Variants in GCNT1 observed in about 807,000 individuals in gnomAD.
The protein encoded by GCNT1 is beta-1,3-galactosyl-O-glycosyl-glycoprotein beta-1,6-N-acetylglucosaminyltransferase.
Under a neutral mutation model 26.2 loss-of-function variants are expected in GCNT1, and 16 were observed. The ratio of observed to expected loss-of-function variants is 0.61; its 90% CI spans 0.41 to 0.93. The LOEUF is 0.93. Among genes scored for constraint, GCNT1 ranks in the 40% least tolerant of loss-of-function variants. GCNT1 has a pLI of 0.00. For missense variants in GCNT1, 477 were observed against 526.7 expected, an observed-to-expected ratio of 0.91 and a Z score of 0.92; for synonymous variants, 183 against 190.8, an observed-to-expected ratio of 0.96 and a Z score of 0.34.
At chr9:76,473,956 A>G (rs1824198312) in intron 2 of GCNT1, among the ~76,000 whole-genome samples, 1 of 152,118 alleles carries the variant, frequency 6.6e-6, no homozygotes, top group African/African-American at 2.4e-5. Context: ...AAAATTAGCC[A>G]GGCATGGTGG....
intron 2 of GCNT1, among the ~76,000 whole-genome samples, chr9:76,464,305 C>T (rs534060022): frequency 6.6e-6 from 1 of 152,226 alleles, no homozygotes; most frequent in South Asian, 2.1e-4. Context: ...CAACCTCCAC[C>T]TCCCAGGCTC....
At chr9:76,433,158 G>A (rs192928069) in intron 1 of GCNT1, among the ~76,000 whole-genome samples, 68 of 152,192 alleles carry the variant, frequency 4.5e-4, no homozygotes, top group African/African-American at 1.5e-3. Context: ...TCTTGGATGC[G>A]GACCAAGAAC....
At chr9:76,406,590 A>G in the GCNT1 span, among the ~76,000 whole-genome samples, 1 of 151,840 alleles carries the variant, frequency 6.6e-6, no homozygotes, top group African/African-American at 2.4e-5. Context: ...AGTCCCAGCT[A>G]CTCAGGAGGC....
At chr9:76,483,026 T>A (rs949147191) in intron 2 of GCNT1, among the ~76,000 whole-genome samples, 2 of 151,992 alleles carry the variant, frequency 1.3e-5, no homozygotes, top group African/African-American at 4.8e-5. Context: ...TATAAAAAAG[T>A]GAAATATTGA....
chr9:76,400,520 C>T, the GCNT1 span, among the ~76,000 whole-genome samples: 1 of 152,204 alleles, frequency 6.6e-6, no homozygotes, highest in Non-Finnish European at 1.5e-5. Context: ...TGTTCTGCTT[C>T]CCTCTGTCTT....
At position 76,491,177 on chromosome 9, in the gene GCNT1, G is replaced by T. The variant is rs191930236; in HGVS notation, c.-289-9739G>T. ...TCTCTTCCTCTCTCTCTTTGACTTT[G>T]TCTCTTTCTCTCTCTGACTCCCTCT... On this transcript the variant is annotated intron_variant, in intron 2 of 3. Coordinates refer to ENST00000376730, the MANE Select transcript of GCNT1 (RefSeq NM_001490.5). 3.7e-3 allele frequency among the ~76,000 whole-genome samples: 546 copies of T among 146,894 alleles called. 29 individuals carry two copies. The East Asian group carries it at 0.092, about 25-fold the overall frequency.
chr9:76,455,309 C>T (rs1823739847), upstream of GCNT1, among the ~76,000 whole-genome samples: 1 of 152,148 alleles, frequency 6.6e-6, no homozygotes, highest in East Asian at 1.9e-4. Context: ...AGAAAAGCCT[C>T]ATTGAAGTTT....
At position 76,503,918 on chromosome 9, in the gene GCNT1, G is replaced by T. The variant is rs1230343300; in HGVS notation, c.*250G>T. The T allele has an allele frequency of 2.0e-6, 1 of 495,210 alleles. No homozygotes were observed. Among genetic ancestry groups the T allele is most frequent in the Non-Finnish European group, 3.8e-6 (1 of 263,412 alleles). 30.7% of individuals were successfully genotyped at this position (495,210 alleles called of 1,614,324 possible). A position where few individuals can be genotyped will look rare whatever the true frequency, so the allele number is the denominator to read the frequency against. On this transcript the variant is annotated 3_prime_UTR_variant, in exon 4 of 4. Transcript: ENST00000376730. ...GGTAGCCTTGAGGCCAGAGCAGGTA[G>T]CAAGGCATTGTGGAAAGAGGGGACC...
At chr9:76,478,216 C>T (rs1824306458) in intron 2 of GCNT1, among the ~76,000 whole-genome samples, 1 of 152,200 alleles carries the variant, frequency 6.6e-6, no homozygotes, top group African/African-American at 2.4e-5. Context: ...TTTTGCTCTT[C>T]ACAATAAATC....
intron 2 of GCNT1, among the ~76,000 whole-genome samples, chr9:76,493,211 G>A (rs1824798115): frequency 6.6e-6 from 1 of 152,148 alleles, no homozygotes; most frequent in East Asian, 1.9e-4. Flanking sequence ...CAGTCCCCAT[G>A]ATCTGAGTTG....
intron 2 of GCNT1, among the ~76,000 whole-genome samples, chr9:76,478,582 A>G (rs192022540): frequency 1.3e-5 from 2 of 152,332 alleles, no homozygotes; most frequent in Admixed American, 6.5e-5. Context: ...ACACAATAGC[A>G]TATCTGTTTT....
intron 2 of GCNT1, among the ~76,000 whole-genome samples, chr9:76,470,055 T>G (rs971930084): frequency 5.3e-5 from 8 of 152,186 alleles, no homozygotes; most frequent in Non-Finnish European, 1.0e-4. Flanking sequence ...GGGTCTATAC[T>G]AAGAAATTTT....
chr9:76,410,058 A>T, the GCNT1 span, among the ~76,000 whole-genome samples: 2 of 151,898 alleles, frequency 1.3e-5, no homozygotes, highest in East Asian at 3.9e-4. Context: ...GTATTTTGGG[A>T]TTTTCTAGCT....
At chr9:76,460,844 A>T (rs932313435) in intron 2 of GCNT1, among the ~76,000 whole-genome samples, 1 of 152,184 alleles carries the variant, frequency 6.6e-6, no homozygotes, top group Non-Finnish European at 1.5e-5. Context: ...CCGTCCTTCA[A>T]CTTGGCCCTG....
intron 2 of GCNT1, among the ~76,000 whole-genome samples, chr9:76,481,164 C>A (rs183426739): frequency 2.0e-5 from 3 of 151,852 alleles, no homozygotes; most frequent in African/African-American, 4.8e-5. Flanking sequence ...TGGGATTGTG[C>A]GACTGCACTC....
chr9:76,448,375 C>A (rs1823610399), intron 1 of GCNT1, among the ~76,000 whole-genome samples: 1 of 152,046 alleles, frequency 6.6e-6, no homozygotes, highest in South Asian at 2.1e-4. Flanking sequence ...TGGCTTGAGC[C>A]CAGAAGACTG....
chr9:76,398,954 G>A, the GCNT1 span: 2 of 1,513,460 alleles, frequency 1.3e-6, no homozygotes, highest in Non-Finnish European at 1.8e-6. Flanking sequence ...TGGCCAGAGG[G>A]CTGTGCTGAA....
the GCNT1 span, among the ~76,000 whole-genome samples, chr9:76,401,949 A>C: frequency 9.3e-4 from 141 of 152,360 alleles, 1 homozygote; most frequent in Non-Finnish European, 1.2e-4. Context: ...AGACAGAGGA[A>C]AAGAACTTTG....
At chr9:76,398,909 C>T in the GCNT1 span, 3 of 1,544,688 alleles carry the variant, frequency 1.9e-6, no homozygotes, top group Non-Finnish European at 2.7e-6. Flanking sequence ...CATTGAAAAC[C>T]CTGCTGATGT....
Sources: gnomAD v4.1 joint callset for allele counts (sites outside exome capture counted in the v4.1 genomes callset) on GRCh38, gnomAD v4.1.1 for gene constraint, MANE v1.5 for transcripts, NCBI Gene and HGNC (gene_info 2026-07-23, HGNC 2026-07-21) for gene names.